The following EML5 variants were observed in gnomAD, a reference collection of about 807,000 sequenced individuals.
EML5 encodes the protein echinoderm microtubule-associated protein-like 5.
EML5 carries 120 observed loss-of-function variants against 250.0 expected under a neutral mutation model. The ratio of observed to expected loss-of-function variants is 0.48; its 90% confidence interval spans 0.41 to 0.56. The LOEUF (loss-of-function observed/expected upper bound fraction) is 0.56. EML5 is among the 20% of genes least tolerant of loss of function. EML5 has a pLI of 0.00. For synonymous variants in EML5, 771 were observed against 806.5 expected (o/e 0.96, Z 0.75); for missense variants, 2,006 against 2,437.6 (o/e 0.82, Z 3.73).
At chr14:88,629,166 A>G (rs2090267104) in intron 33 of EML5, among the ~76,000 whole-genome samples, 1 of 152,070 alleles carries the variant, frequency 6.6e-6, no homozygotes, top group South Asian at 2.1e-4. Flanking sequence ...TGTTTACAAA[A>G]TGCACCTCTA....
rs535937196 is a variant in EML5, at chr14:88,786,625, C to A, written c.197+5682G>T. On this transcript the variant is annotated intron_variant, in intron 1 of 43. Transcript: ENST00000554922. Reference sequence around the variant, plus strand: ...TAATTCCCATGTGTTGTGGGAGGGACCCAGTGGGAGATAATTTGAATCATG... The same window carrying A: ...TAATTCCCATGTGTTGTGGGAGGGAACCAGTGGGAGATAATTTGAATCATG... 2.0e-5 allele frequency among the ~76,000 whole-genome samples: 3 copies of A among 152,258 alleles called. No individual in the cohort carries two copies. In the East Asian group the frequency reaches 5.8e-4, roughly 29 times the overall value.
At chr14:88,659,712 T>G (rs988339638) in intron 25 of EML5, among the ~76,000 whole-genome samples, 2 of 152,212 alleles carry the variant, frequency 1.3e-5, no homozygotes, top group Admixed American at 1.3e-4. Flanking sequence ...AATATTTTAG[T>G]GGAACACATT....
At chr14:88,701,211 C>T (rs1157930663) in intron 14 of EML5, among the ~76,000 whole-genome samples, 1 of 152,120 alleles carries the variant, frequency 6.6e-6, no homozygotes, top group Non-Finnish European at 1.5e-5. Flanking sequence ...TTTTAGGTTG[C>T]CACAACTCAG....
At position 88,661,752 on chromosome 14, in the gene EML5, C is replaced by T. The variant is rs760303504; in HGVS notation, c.3577G>A (p.Val1193Ile). The change falls in exon 25 of 44, where the codon GTT becomes ATT. Residue 1193 changes from valine (V) to isoleucine (I), a missense_variant. Val to Ile is a conservative substitution (Grantham distance 29). This residue lies in a region of EML5 where 1,375 missense variants were observed against 1,590.3 expected (regional missense o/e 0.86). Coordinates refer to ENST00000554922, the MANE Select transcript of EML5 (RefSeq NM_183387.3). Reference protein sequence around the residue: ...CEGIWPVIGEVTDVTASCLTS... With the variant: ...CEGIWPVIGEITDVTASCLTS... ...AGGCAAGAAGCAGTTACATCTGTAA[C>T]TTCTCCAATTACTGGCCAAATTCCT... 1.2e-5 allele frequency: 19 copies of T among 1,613,622 alleles called. No individual in the cohort carries two copies. Among genetic ancestry groups the T allele is most frequent in the Non-Finnish European group, 1.5e-5 (18 of 1,179,772 alleles).
At chr14:88,675,779 T>C (rs1244046088) in intron 21 of EML5, among the ~76,000 whole-genome samples, 1 of 152,208 alleles carries the variant, frequency 6.6e-6, no homozygotes, top group Non-Finnish European at 1.5e-5. Context: ...CTGAATACTT[T>C]AAACAACACC....
chr14:88,766,413 CT>C (rs1218055958), intron 1 of EML5, among the ~76,000 whole-genome samples: 2 of 152,266 alleles, frequency 1.3e-5, no homozygotes, highest in East Asian at 3.9e-4. Flanking sequence ...AAAATGGCCG[CT>C]TTGGGAATGT....
intron 8 of EML5, among the ~76,000 whole-genome samples, chr14:88,720,638 A>C (rs1014107021): frequency 2.0e-5 from 3 of 152,184 alleles, no homozygotes; most frequent in African/African-American, 7.2e-5. Context: ...CAAAATAATA[A>C]GCTGTTTATG....
intron 1 of EML5, among the ~76,000 whole-genome samples, chr14:88,778,384 T>C (rs1407968944): frequency 6.6e-6 from 1 of 152,250 alleles, no homozygotes; most frequent in African/African-American, 2.4e-5. Flanking sequence ...ATTTTGAGTG[T>C]ACGACTTTTC....
intron 14 of EML5, among the ~76,000 whole-genome samples, chr14:88,702,216 G>A (rs756010049): frequency 2.9e-4 from 44 of 151,932 alleles, no homozygotes; most frequent in Non-Finnish European, 5.1e-4. Flanking sequence ...ACAAGCCAGA[G>A]CTATGAGTTC....
At chr14:88,703,846 G>A (rs1566664355) in intron 13 of EML5, among the ~76,000 whole-genome samples, 1 of 152,272 alleles carries the variant, frequency 6.6e-6, no homozygotes, top group African/African-American at 2.4e-5. Context: ...TAGACATATT[G>A]AGGGGAGATG....
At chr14:88,664,110 T>C (rs936111653) in intron 23 of EML5, among the ~76,000 whole-genome samples, 1 of 151,472 alleles carries the variant, frequency 6.6e-6, no homozygotes, top group Non-Finnish European at 1.5e-5. Context: ...AGAACCTGTC[T>C]GTACAAAACA....
chr14:88,705,058 A>C, intron 12 of EML5, 80 bp from the exon 13 acceptor site: 1 of 933,006 alleles, frequency 1.1e-6, no homozygotes, highest in Non-Finnish European at 1.6e-6. Context: ...TATAACTTTC[A>C]GACATTGTCT....
intron 1 of EML5, among the ~76,000 whole-genome samples, chr14:88,767,036 T>C (rs2094329827): frequency 6.6e-6 from 1 of 152,200 alleles, no homozygotes; most frequent in Admixed American, 6.6e-5. Context: ...TTTTAGTAAT[T>C]TTTATATGCT....
chr14:88,656,517 G>C (rs1229338857), intron 27 of EML5, among the ~76,000 whole-genome samples: 1 of 152,114 alleles, frequency 6.6e-6, no homozygotes, highest in East Asian at 1.9e-4. Flanking sequence ...ACCTAATGTA[G>C]ATGATGGGCT....
At position 88,665,348 on chromosome 14, in the gene EML5, C is replaced by A; in HGVS notation, c.3266G>T (p.Arg1089Leu). The A allele has an allele frequency of 6.2e-7, 1 of 1,611,378 alleles. No individual in the cohort carries two copies. Among genetic ancestry groups the A allele is most frequent in the Non-Finnish European group, 8.5e-7 (1 of 1,178,712 alleles). Residue 1089 changes from arginine to leucine, a missense_variant, in exon 22 of 44, where the codon CGA becomes CTA. Coordinates refer to ENST00000554922, the MANE Select transcript of EML5 (RefSeq NM_183387.3). ...TCAATGGATCTTACCAGGTGAAAAT[C>A]GAATATCTGAAATCATATCTTTTCT... The part of the protein sequence containing the change: ...HHRKDMISDI[R>L]FSPGSGKYLA...
At position 88,664,573 on chromosome 14, in the gene EML5, T is replaced by A. The variant is rs769000988; in HGVS notation, c.3329A>T (p.Tyr1110Phe). 6 of 1,610,958 alleles carry A rather than the reference T, an allele frequency of 3.7e-6. No homozygotes were observed. The highest frequency in any genetic ancestry group is 3.4e-5 in the Admixed American group (2 of 59,640). ...TACTCGTTTACTACTCATTACATTG[T>A]ATATATCTATAAAGCTGTCATGGGA... ...VASHDSFIDI[Y>F]NVMSSKRVGI... is the part of the protein sequence containing the mutation. The change falls in exon 23 of 44, where the codon TAC becomes TTC. Residue 1110 changes from tyrosine to phenylalanine, a missense_variant. Transcript: ENST00000554922.
rs1054910013 is a variant in EML5, at chr14:88,713,846, T to G, written c.1444+1093A>C. 3.7e-4 allele frequency among the ~76,000 whole-genome samples: 56 copies of G among 151,452 alleles called. No homozygotes were observed. The South Asian group carries it at 9.6e-3, about 26-fold the overall frequency. On this transcript the variant is annotated intron_variant, in intron 9 of 43. Coordinates refer to ENST00000554922, the MANE Select transcript of EML5 (RefSeq NM_183387.3). ...ATATTTGCAAAGTTTATTTGTTTTT[T>G]TTTTTTTTTTGAGACAGCCTCTTAA...
intron 21 of EML5, among the ~76,000 whole-genome samples, chr14:88,678,536 C>T (rs1371306013): frequency 2.6e-5 from 4 of 152,130 alleles, no homozygotes; most frequent in Non-Finnish European, 5.9e-5. Context: ...AACTGGAATT[C>T]ATGAAGGGAC....
intron 17 of EML5, among the ~76,000 whole-genome samples, chr14:88,692,825 T>C (rs2092991291): frequency 6.6e-6 from 1 of 152,236 alleles, no homozygotes; most frequent in Non-Finnish European, 1.5e-5. Flanking sequence ...AATCCAAGAC[T>C]GAAAATTAAT....
Sources: gnomAD v4.1 joint callset for allele counts (sites outside exome capture counted in the v4.1 genomes callset) on GRCh38, gnomAD v4.1.1 for gene constraint, gnomAD v4.1.1 regional missense constraint, MANE v1.5 for transcripts, NCBI Gene and HGNC (gene_info 2026-07-23, HGNC 2026-07-21) for gene names.